Variants in ZNF804B observed in about 807,000 individuals in gnomAD.
The protein encoded by ZNF804B is zinc finger protein 804B, also known as zinc finger 804B.
Under a neutral mutation model 101.4 loss-of-function variants are expected in ZNF804B, and 80 were observed. That is an observed-to-expected ratio of 0.79 (90% CI 0.66 to 0.95). The LOEUF (loss-of-function observed/expected upper bound fraction) is 0.95. Ranked by LOEUF, ZNF804B falls within the 40% of genes least tolerant of loss-of-function variation. The pLI, the probability that ZNF804B is intolerant of heterozygous loss-of-function variation, is 0.00. For missense variants in ZNF804B, 1,673 were observed against 1,561.9 expected, an observed-to-expected ratio of 1.07 and a Z score of -1.20; for synonymous variants, 622 against 558.8, an observed-to-expected ratio of 1.11 and a Z score of -1.59.
At chr7:89,062,596 A>G (rs550315213) in intron 1 of ZNF804B, among the ~76,000 whole-genome samples, 2 of 152,308 alleles carry the variant, frequency 1.3e-5, no homozygotes, top group South Asian at 4.1e-4. Flanking sequence ...TACTTAAAGT[A>G]GAGCCTGCTA....
chr7:89,180,307 A>T (rs2115578963), intron 1 of ZNF804B, among the ~76,000 whole-genome samples: 1 of 152,272 alleles, frequency 6.6e-6, no homozygotes, highest in South Asian at 2.1e-4. Context: ...TGAAGTCAGG[A>T]ACATTAGGAA....
chr7:89,115,638 A>T (rs1331588469), intron 1 of ZNF804B, among the ~76,000 whole-genome samples: 5 of 152,212 alleles, frequency 3.3e-5, no homozygotes, highest in African/African-American at 1.2e-4. Flanking sequence ...CCTCTTGGAA[A>T]GTCTTATGAA....
At chr7:88,842,992 GA>G (rs1791311129) in intron 1 of ZNF804B, among the ~76,000 whole-genome samples, 1 of 151,992 alleles carries the variant, frequency 6.6e-6, no homozygotes, top group South Asian at 2.1e-4. Context: ...TAAATTATAG[GA>G]AAAAAATTAG....
chr7:88,955,114 GA>G (rs1249065860), intron 1 of ZNF804B, among the ~76,000 whole-genome samples: 2 of 146,580 alleles, frequency 1.4e-5, no homozygotes, highest in African/African-American at 2.5e-5. Context: ...AAAAAAAAAG[GA>G]AAAAAAAGTT....
At chr7:88,914,438 C>A (rs746623874) in intron 1 of ZNF804B, among the ~76,000 whole-genome samples, 1 of 152,102 alleles carries the variant, frequency 6.6e-6, no homozygotes, top group Non-Finnish European at 1.5e-5. Flanking sequence ...GGGTTTCTTT[C>A]CTGAGGACAA....
chr7:88,929,420 A>G (rs374198882), intron 1 of ZNF804B, among the ~76,000 whole-genome samples: 7 of 152,104 alleles, frequency 4.6e-5, no homozygotes, highest in African/African-American at 1.7e-4. Flanking sequence ...GTTAATTAAT[A>G]GAGTTTTGAG....
At chr7:89,327,218 A>C in intron 2 of ZNF804B, 126 bp from the exon 3 acceptor site, 1 of 800,682 alleles carries the variant, frequency 1.2e-6, no homozygotes, top group South Asian at 2.4e-5. Context: ...TGGAGAAGAT[A>C]CTTTTACTCT....
At chr7:89,113,863 C>T (rs998971458) in intron 1 of ZNF804B, among the ~76,000 whole-genome samples, 7 of 151,672 alleles carry the variant, frequency 4.6e-5, no homozygotes, top group African/African-American at 9.7e-5. Context: ...GCACGAGAAT[C>T]GCTTGAACCA....
At chr7:88,843,774 A>G (rs1167115680) in intron 1 of ZNF804B, among the ~76,000 whole-genome samples, 1 of 152,042 alleles carries the variant, frequency 6.6e-6, no homozygotes, top group African/African-American at 2.4e-5. Flanking sequence ...ATAACAAATG[A>G]AGACAATGTC....
At chr7:88,829,517 C>T (rs1791100415) in intron 1 of ZNF804B, among the ~76,000 whole-genome samples, 1 of 151,738 alleles carries the variant, frequency 6.6e-6, no homozygotes, top group South Asian at 2.1e-4. Context: ...ATCGTTTTAG[C>T]CAGAATTTGA....
At chr7:88,796,961 G>A (rs1790495752) in intron 1 of ZNF804B, among the ~76,000 whole-genome samples, 1 of 152,014 alleles carries the variant, frequency 6.6e-6, no homozygotes, top group Non-Finnish European at 1.5e-5. Context: ...GATTATTTTT[G>A]CACAGAAAAT....
chr7:88,891,984 A>C (rs1792221363), intron 1 of ZNF804B, among the ~76,000 whole-genome samples: 1 of 152,034 alleles, frequency 6.6e-6, no homozygotes, highest in Non-Finnish European at 1.5e-5. Context: ...TTTACCCCAA[A>C]TATTTTCATG....
At chr7:88,806,300 C>T (rs1790684177) in intron 1 of ZNF804B, among the ~76,000 whole-genome samples, 1 of 152,158 alleles carries the variant, frequency 6.6e-6, no homozygotes, top group Non-Finnish European at 1.5e-5. Context: ...ACTCTTTTAG[C>T]TATACAACTT....
chr7:89,224,175 A>G (rs1479245452), intron 2 of ZNF804B, among the ~76,000 whole-genome samples: 3 of 152,000 alleles, frequency 2.0e-5, no homozygotes, highest in Non-Finnish European at 4.4e-5. Flanking sequence ...CAATTAACCC[A>G]TAAAAAATAT....
chr7:88,901,238 G>T (rs1037307000), intron 1 of ZNF804B, among the ~76,000 whole-genome samples: 6 of 151,760 alleles, frequency 4.0e-5, no homozygotes, highest in African/African-American at 1.4e-4. Flanking sequence ...AAATAAAAGT[G>T]AGCATGTAGG....
At chr7:88,982,026 G>A (rs1177605444) in intron 1 of ZNF804B, among the ~76,000 whole-genome samples, 1 of 151,796 alleles carries the variant, frequency 6.6e-6, no homozygotes, top group African/African-American at 2.4e-5. Context: ...TTTATTCTCG[G>A]GAGGATGATC....
intron 1 of ZNF804B, among the ~76,000 whole-genome samples, chr7:88,854,541 T>TCCCTTCCCTTCCCTTCCCTTC: frequency 1.1e-5 from 1 of 88,652 alleles, no homozygotes; most frequent in South Asian, 4.2e-4. Flanking sequence ...CTTCCTTCCT[T>TCCCTTCCCTTCCCTTCCCTTC]CCTTCCTTCC....
At chr7:89,273,556 C>T (rs932568752) in intron 2 of ZNF804B, among the ~76,000 whole-genome samples, 2 of 152,076 alleles carry the variant, frequency 1.3e-5, no homozygotes, top group Non-Finnish European at 2.9e-5. Flanking sequence ...AAACAACATG[C>T]TCAGTTTAAT....
At chr7:88,962,302 A>G (rs1793397011) in intron 1 of ZNF804B, among the ~76,000 whole-genome samples, 1 of 151,268 alleles carries the variant, frequency 6.6e-6, no homozygotes, top group African/African-American at 2.4e-5. Flanking sequence ...GATACCATCT[A>G]ATTCTACAGT....
Sources: allele counts gnomAD v4.1 joint callset (sites outside exome capture counted in the v4.1 genomes callset), GRCh38; gene constraint gnomAD v4.1.1; transcripts MANE v1.5; gene names NCBI Gene and HGNC (gene_info 2026-07-23, HGNC 2026-07-21).